NLRP5: variants seen among roughly 807,000 people sequenced by gnomAD.
The protein encoded by NLRP5 is NACHT, LRR and PYD domains-containing protein 5.
NLRP5 carries 93 observed loss-of-function variants against 113.1 expected under a neutral mutation model. The ratio of observed to expected loss-of-function variants is 0.82; its 90% confidence interval spans 0.70 to 0.98. NLRP5 has a LOEUF of 0.98. NLRP5 is among the 50% of genes least tolerant of loss of function. NLRP5 has a pLI of 0.00. For synonymous variants in NLRP5, 751 were observed against 600.7 expected, an observed-to-expected ratio of 1.25 and a Z score of -3.66; for missense variants, 1,808 against 1,514.3, an observed-to-expected ratio of 1.19 and a Z score of -3.22.
At position 56,054,314 on chromosome 19, in the gene NLRP5, T is replaced by G. The variant is rs201225417; in HGVS notation, c.3299+506T>G. On this transcript the variant is annotated intron_variant, in intron 13 of 14. Coordinates refer to ENST00000390649, the MANE Select transcript of NLRP5 (RefSeq NM_153447.4). ...GGCTCACGCCTGTAACACCAGCACT[T>G]TGGGAGGCCAAGGTGGGCAGATCAC... Among the ~76,000 whole-genome samples the G allele has an allele frequency of 3.3e-5, 5 of 152,072 alleles. No individual in the cohort carries two copies. In the East Asian group the frequency reaches 9.7e-4, roughly 29 times the overall value.
rs762359895 is a variant in NLRP5 at position 56,028,199 on chromosome 19, C to T, written c.1966C>T (p.Pro656Ser). 15 of 1,613,954 alleles carry T rather than the reference C, an allele frequency of 9.3e-6. No individual in the cohort carries two copies. Among genetic ancestry groups the T allele is most frequent in the Non-Finnish European group, 1.2e-5 (14 of 1,179,902 alleles). ...GCCACTGGAGGTCCTGCTGGGCTGT[C>T]CCGTTCCCCTGGGGGTGAAGCAGAA... Residue 656 changes from proline (P) to serine (S), a missense_variant, in exon 7 of 15, where the codon CCC becomes TCC. Physicochemically the swap from Pro to Ser is moderately conservative, Grantham distance 74. Coordinates refer to ENST00000390649, the MANE Select transcript of NLRP5 (RefSeq NM_153447.4).
intron 4 of NLRP5, among the ~76,000 whole-genome samples, chr19:56,018,421 A>G (rs972158488): frequency 3.3e-5 from 5 of 152,210 alleles, no homozygotes; most frequent in African/African-American, 1.2e-4. Context: ...TATATGCCAG[A>G]GGCTGTGTTA....
chr19:56,011,158 A>AAAAATATATATATAT (rs372922763), intron 3 of NLRP5, among the ~76,000 whole-genome samples: 4 of 145,120 alleles, frequency 2.8e-5, no homozygotes, highest in African/African-American at 1.0e-4. Context: ...GTCTTTAAAA[A>AAAAATATATATATAT]ATATATATAC....
rs371651109 is a variant in NLRP5 at position 56,028,089 on chromosome 19, T to C, written c.1856T>C (p.Met619Thr). The C allele has an allele frequency of 3.8e-5, 62 of 1,613,920 alleles. No individual in the cohort carries two copies. Among genetic ancestry groups the C allele is most frequent in the Non-Finnish European group, 4.9e-5 (58 of 1,179,906 alleles). Residue 619 changes from methionine to threonine, a missense_variant, in exon 7 of 15, where the codon ATG becomes ACG. Transcript: ENST00000390649. ...TACGTTGAGAAGACAAAGAGGTCCA[T>C]GGAGCTTAAACAGGCAGGCTTCCAT...
the NLRP5 span, among the ~76,000 whole-genome samples, chr19:55,991,635 A>G: frequency 6.6e-6 from 1 of 152,126 alleles, no homozygotes; most frequent in Non-Finnish European, 1.5e-5. Context: ...TCATCGTTAC[A>G]TTTGTTACCA....
chr19:56,051,676 A>C (rs2867224), intron 12 of NLRP5, among the ~76,000 whole-genome samples: 51,612 of 152,108 alleles, frequency 0.34, 9,036 homozygotes, highest in Non-Finnish European at 0.37. Flanking sequence ...AATGAAGTAC[A>C]GTAAGGTATT....
Position 56,039,223 on chromosome 19 carries a change from G to T in NLRP5, c.2786+1028G>T, listed in dbSNP as rs1260005357. Among the ~76,000 whole-genome samples, 7 of 152,268 alleles carry T rather than the reference G, an allele frequency of 4.6e-5. No homozygotes were observed. In the East Asian group the frequency reaches 1.2e-3, roughly 25 times the overall value. On this transcript the variant is annotated intron_variant, in intron 10 of 14. Coordinates refer to ENST00000390649, the MANE Select transcript of NLRP5 (RefSeq NM_153447.4). ...GGACGGTGCTCAGATGGTGATGCCG[G>T]GAGTCAAGGGTGGGGCTAATTCAGC...
chr19:56,038,353 G>T (rs919821849), intron 10 of NLRP5, among the ~76,000 whole-genome samples, 158 bp downstream of exon 10: 2 of 152,210 alleles, frequency 1.3e-5, no homozygotes, highest in African/African-American at 4.8e-5. Flanking sequence ...AGTGTGGGGT[G>T]TAAGAGTGAC....
upstream of NLRP5, among the ~76,000 whole-genome samples, chr19:55,998,710 G>GTGTGTGTGTATATATATATATATA (rs764250371): frequency 2.9e-5 from 2 of 67,854 alleles, no homozygotes; most frequent in African/African-American, 8.3e-5. Context: ...ATATGTGTGT[G>GTGTGTGTGTATATATATATATATA]TGTGTATATA....
At chr19:55,988,440 G>GTATATA in the NLRP5 span, 492 of 100,512 alleles carry the variant, frequency 4.9e-3, 3 homozygotes, top group African/African-American at 5.6e-3. Context: ...ATATATGTGT[G>GTATATA]TGTGTATATA....
chr19:56,016,557 C>T (rs1316991495), intron 4 of NLRP5, among the ~76,000 whole-genome samples: 1 of 152,196 alleles, frequency 6.6e-6, no homozygotes, highest in African/African-American at 2.4e-5. Flanking sequence ...CTCCTCTTGT[C>T]TAGCTGTAAG....
chr19:56,057,335 T>C (rs1984193857), intron 13 of NLRP5, among the ~76,000 whole-genome samples: 1 of 152,184 alleles, frequency 6.6e-6, no homozygotes, highest in South Asian at 2.1e-4. Context: ...AATGCCATTA[T>C]TATATTCAAT....
chr19:56,039,387 C>G (rs1397491071), intron 10 of NLRP5, among the ~76,000 whole-genome samples: 1 of 152,164 alleles, frequency 6.6e-6, no homozygotes. Context: ...CCATTCTGGA[C>G]AGCACAGCTC....
chr19:55,998,658 A>ATGTATG (rs1555762359), upstream of NLRP5, among the ~76,000 whole-genome samples: 5 of 44,676 alleles, frequency 1.1e-4, no homozygotes, highest in African/African-American at 4.4e-4. Flanking sequence ...GTCTCAAAAT[A>ATGTATG]TGTGTGTGTG....
intron 11 of NLRP5, among the ~76,000 whole-genome samples, chr19:56,044,782 G>A (rs1366425939): frequency 6.6e-6 from 1 of 152,164 alleles, no homozygotes; most frequent in Non-Finnish European, 1.5e-5. Flanking sequence ...GTTGAATTTT[G>A]TAGATTGCTT....
At chr19:56,039,195 G>T (rs117845063) in intron 10 of NLRP5, among the ~76,000 whole-genome samples, 523 of 152,326 alleles carry the variant, frequency 3.4e-3, no homozygotes, top group Middle Eastern at 6.8e-3. Flanking sequence ...CTTGTCCACA[G>T]TTGGACGGTG....
rs377120374 is a variant in NLRP5, at chr19:56,027,509, T to C, written c.1276T>C (p.Tyr426His). ...CAAGTCAGAGGTCGTGTCTCCCCGT[T>C]ACCTGTTAGTTAGAGGAATCTCCGG... Residue 426 changes from tyrosine (Y) to histidine (H), a missense_variant, in exon 7 of 15, where the codon TAC (tyrosine) becomes CAC (histidine). By Grantham distance (83) the Tyr-to-His change is moderately conservative (BLOSUM62 2). Coordinates refer to ENST00000390649, the MANE Select transcript of NLRP5 (RefSeq NM_153447.4). The C allele has an allele frequency of 2.5e-6, 4 of 1,613,980 alleles. No individual in the cohort carries two copies. The highest frequency in any genetic ancestry group is 1.7e-5 in the Admixed American group (1 of 59,998).
intron 10 of NLRP5, among the ~76,000 whole-genome samples, chr19:56,040,056 T>A (rs1213355074): frequency 4.6e-5 from 7 of 152,056 alleles, no homozygotes; most frequent in Non-Finnish European, 1.0e-4. Context: ...GCTCCAGGGA[T>A]CCTCCTGCCT....
chr19:56,008,701 A>G lies in NLRP5; in HGVS notation c.443-87A>G, dbSNP rs367921353. On this transcript the variant is annotated intron_variant, in intron 2 of 14. Coordinates refer to ENST00000390649, the MANE Select transcript of NLRP5 (RefSeq NM_153447.4). ...GAGGTTTGTCTTGGTTCCCCTCCAT[A>G]ATTTGGACACGGGACATTCTTATCC... 3 of 1,192,676 alleles carry G rather than the reference A, an allele frequency of 2.5e-6. No individual in the cohort carries two copies. In the East Asian group the frequency reaches 7.6e-5, roughly 30 times the overall value. 73.9% of individuals were successfully genotyped at this position (1,192,676 alleles called of 1,614,324 possible). A position where few individuals can be genotyped will look rare whatever the true frequency, so the allele number is the denominator to read the frequency against.
Sources: allele counts gnomAD v4.1 joint callset (sites outside exome capture counted in the v4.1 genomes callset), GRCh38; gene constraint gnomAD v4.1.1; transcripts MANE v1.5; gene names NCBI Gene and HGNC (gene_info 2026-07-23, HGNC 2026-07-21).